The following APC2 variants were observed in gnomAD, a reference collection of about 807,000 sequenced individuals.
The protein encoded by APC2 is adenomatous polyposis coli protein 2.
A neutral mutation model predicts 72.5 loss-of-function variants in APC2; 41 were observed. That is an observed-to-expected ratio of 0.57 (90% CI 0.44 to 0.73). The LOEUF is 0.73. APC2 is among the 30% of genes least tolerant of loss of function. APC2 has a pLI of 0.00. For synonymous variants in APC2, 1,898 were observed against 1,612.0 expected, an observed-to-expected ratio of 1.18 and a Z score of -4.25; for missense variants, 3,729 against 3,403.4, an observed-to-expected ratio of 1.10 and a Z score of -2.38.
chr19:1,452,578 TG>T lies in APC2; in HGVS notation c.-18-401del. The T allele has an allele frequency of 5.6e-6, 1 of 179,528 alleles. No individual in the cohort carries two copies. Among genetic ancestry groups the T allele is most frequent in the South Asian group, 1.2e-4 (1 of 8,402 alleles). 11.1% of individuals were successfully genotyped at this position (179,528 alleles called of 1,614,324 possible). A position where few individuals can be genotyped will look rare whatever the true frequency, so the allele number is the denominator to read the frequency against. On this transcript the variant is annotated intron_variant, in intron 1 of 14. Transcript: ENST00000590469. The surrounding 1 kb of genome is among the most constrained non-coding windows in gnomAD (Gnocchi z 5.1). Reference sequence around the variant, plus strand: ...CTGTCGCCCTCTCTGGCTGTGAGCCTGGGGGTGCTGGGCTGGCCAGTCGGCT... The same window carrying T: ...CTGTCGCCCTCTCTGGCTGTGAGCCTGGGGTGCTGGGCTGGCCAGTCGGCT...
chr19:1,461,410 A>G (rs970413337), intron 13 of APC2: 5 of 532,100 alleles, frequency 9.4e-6, no homozygotes, highest in African/African-American at 5.8e-5. Context: ...CCCCATCTCT[A>G]CTAAAAAAAA....
chr19:1,469,579 CG>C lies in APC2; in HGVS notation c.6280del (p.Glu2094ArgfsTer241). ...RLPVRAPAAR[P>X]ETVKRYASLP... ...CCTGTGCGCGCGCCCGCCGCCCGGC[CG>C]GAGACTGTCAAGCGCTACGCGTCGC... On this transcript the variant is annotated frameshift_variant, in exon 15 of 15. Transcript: ENST00000590469. LOFTEE classifies it low-confidence loss of function (END_TRUNC). 1 of 1,256,944 alleles carries C rather than the reference CG, an allele frequency of 8.0e-7. No individual in the cohort carries two copies. The highest frequency in any genetic ancestry group is 1.0e-6 in the Non-Finnish European group (1 of 987,908). 77.9% of individuals were successfully genotyped at this position (1,256,944 alleles called of 1,614,324 possible).
In APC2 at chr19:1,469,866, G is replaced by A; in HGVS notation, c.6565G>A (p.Ala2189Thr). 1 of 1,521,054 alleles carries A rather than the reference G, an allele frequency of 6.6e-7. No homozygotes were observed. The highest frequency in any genetic ancestry group is 8.8e-7 in the Non-Finnish European group (1 of 1,141,396). The allele number at this position is 1,521,054 out of a possible 1,614,324, so 94.2% of individuals were successfully genotyped here. A position where few individuals can be genotyped will look rare whatever the true frequency, so the allele number is the denominator to read the frequency against. The part of the protein sequence containing the change: ...AGPPPRKTSD[A>T]VVQTEEVAAP... ...GCCCCCGCCGCGCAAGACCAGCGAC[G>A]CCGTGGTCCAGACCGAGGAGGTCGC... Residue 2189 changes from alanine to threonine, a missense_variant, in exon 15 of 15, where the codon GCC becomes ACC. Physicochemically the swap from Ala to Thr is moderately conservative, Grantham distance 58 (BLOSUM62 0). Transcript: ENST00000590469.
At chr19:1,454,846 C>A (rs182509241) in intron 4 of APC2, among the ~76,000 whole-genome samples, 2,247 of 152,218 alleles carry the variant, frequency 0.015, 59 homozygotes, top group African/African-American at 0.046. Flanking sequence ...GGATTACAGG[C>A]GTGAGCCACC....
intron 4 of APC2, 43 bp downstream of exon 4, chr19:1,453,654 A>T (rs773144190): frequency 1.9e-6 from 3 of 1,559,186 alleles, no homozygotes. Flanking sequence ...CTGGAGCATG[A>T]CTCGGTCCCC....
At chr19:1,446,250 G>A, upstream of APC2, 1 of 982,356 alleles carries the variant, frequency 1.0e-6, no homozygotes, top group Non-Finnish European at 1.2e-6. This position sits in a 1 kb window ranked among gnomAD's most constrained non-coding sequence, Gnocchi z 6.1. Flanking sequence ...TGGCCGCCGA[G>A]GGGCGGGGCG....
In APC2 at chr19:1,465,815, C is replaced by G. The variant is rs1317706103; in HGVS notation, c.2514C>G (p.Ala838=). The G allele has an allele frequency of 2.5e-6, 4 of 1,581,008 alleles. No homozygotes were observed. The change falls in exon 15 of 15, where the codon GCC becomes GCG. Residue 838 remains alanine, a synonymous_variant. Coordinates refer to ENST00000590469, the MANE Select transcript of APC2 (RefSeq NM_005883.3). ...EAEKDTSGEA[A]VAAKAKAKLA... ...AGAAGGACACCAGTGGGGAGGCAGC[C>G]GTGGCGGCCAAGGCCAAGGCCAAGC...
chr19:1,466,656 G>C lies in APC2; in HGVS notation c.3355G>C (p.Ala1119Pro), dbSNP rs2084021738. Residue 1119 changes from alanine (A) to proline (P), a missense_variant, in exon 15 of 15, where the codon GCC becomes CCC. Physicochemically the swap from Ala to Pro is conservative, Grantham distance 27. Transcript: ENST00000590469. ...GGACAGCACGTGGCGGGCGCCCGGG[G>C]CCACCTCGCTGCCCGTAGCCATTCC... ...ELDSTWRAPG[A>P]TSLPVAIPAP... is the part of the protein sequence containing the mutation. 1 of 1,495,184 alleles carries C rather than the reference G, an allele frequency of 6.7e-7. No individual in the cohort carries two copies. Among genetic ancestry groups the C allele is most frequent in the African/African-American group, 1.4e-5 (1 of 72,406 alleles). The allele number at this position is 1,495,184 out of a possible 1,614,324, so 92.6% of individuals were successfully genotyped here. A position where few individuals can be genotyped will look rare whatever the true frequency, so the allele number is the denominator to read the frequency against.
upstream of APC2, among the ~76,000 whole-genome samples, chr19:1,448,544 T>TAAA (rs547873034): frequency 8.5e-5 from 7 of 82,718 alleles, no homozygotes; most frequent in East Asian, 3.6e-4. Flanking sequence ...AGACCCCATC[T>TAAA]AAAAAAAAAA....
In APC2 at chr19:1,457,118, A is replaced by G. The variant is rs1156747859; in HGVS notation, c.1082A>G (p.Gln361Arg). 3.1e-6 allele frequency: 5 copies of G among 1,588,164 alleles called. No individual in the cohort carries two copies. The highest frequency in any genetic ancestry group is 1.3e-5 in the African/African-American group (1 of 74,138). Reference protein sequence around the residue: ...LHNIVFSQPDQGLARKEMRVL... With the variant: ...LHNIVFSQPDRGLARKEMRVL... ...AACATCGTCTTCTCGCAGCCGGACC[A>G]GGGCCTGGCGCGCAAGGAGATGCGC... The change falls in exon 9 of 15, where the codon CAG becomes CGG. Residue 361 changes from glutamine to arginine, a missense_variant. Physicochemically the swap from Gln to Arg is conservative, Grantham distance 43 (BLOSUM62 1). Coordinates refer to ENST00000590469, the MANE Select transcript of APC2 (RefSeq NM_005883.3).
chr19:1,449,762 C>T (rs1435366203), upstream of APC2, among the ~76,000 whole-genome samples: 1 of 152,196 alleles, frequency 6.6e-6, no homozygotes. Flanking sequence ...AGGCCTGGCC[C>T]CAGCCCGGCC....
At chr19:1,461,720 C>T (rs1347009489) in intron 13 of APC2, 5 of 509,152 alleles carry the variant, frequency 9.8e-6, no homozygotes, top group Non-Finnish European at 1.7e-5. Flanking sequence ...GGCGTGGTGG[C>T]GGGTGTCTGT....
In APC2 at chr19:1,469,328, C is replaced by G. The variant is rs1318451321; in HGVS notation, c.6027C>G (p.Ser2009=). The G allele has an allele frequency of 2.2e-5, 31 of 1,408,162 alleles. No homozygotes were observed. The highest frequency in any genetic ancestry group is 2.8e-5 in the Non-Finnish European group (30 of 1,077,398). The allele number at this position is 1,408,162 out of a possible 1,614,324, so 87.2% of individuals were successfully genotyped here. A position where few individuals can be genotyped will look rare whatever the true frequency, so the allele number is the denominator to read the frequency against. Residue 2009 remains serine (S), a synonymous_variant, in exon 15 of 15, where the codon TCC becomes TCG. Coordinates refer to ENST00000590469, the MANE Select transcript of APC2 (RefSeq NM_005883.3). ...CGCCGGGCTTGCGGCGCCGCCGCTCCGAGCTGTCCTCGGCCGAGTCCGCGG... is the reference window on the plus strand; with the variant it reads ...CGCCGGGCTTGCGGCGCCGCCGCTCGGAGCTGTCCTCGGCCGAGTCCGCGG... ...KESPGLRRRR[S]ELSSAESAAS... is the part of the protein sequence containing the mutation.
chr19:1,460,648 C>A (rs1205446262), intron 11 of APC2, 132 bp from the exon 12 acceptor site: 3 of 1,012,064 alleles, frequency 3.0e-6, no homozygotes, highest in Non-Finnish European at 4.4e-6. Flanking sequence ...ATGGGGTAAC[C>A]GTCCCCGGTA....
Position 1,461,903 on chromosome 19 carries a change from G to C in APC2, c.1639-60G>C, listed in dbSNP as rs563469908. 9.9e-6 allele frequency: 14 copies of C among 1,411,102 alleles called. No individual in the cohort carries two copies. The African/African-American group carries it at 1.4e-4, about 15-fold the overall frequency. The allele number at this position is 1,411,102 out of a possible 1,614,324, so 87.4% of individuals were successfully genotyped here. A position where few individuals can be genotyped will look rare whatever the true frequency, so the allele number is the denominator to read the frequency against. ...ACCCAACTTCACTGAATGTGAGCGT[G>C]GGAGCCTTTCCTCCGGGCCACTCAG... On this transcript the variant is annotated intron_variant, in intron 13 of 14. Coordinates refer to ENST00000590469, the MANE Select transcript of APC2 (RefSeq NM_005883.3).
At position 1,469,495 on chromosome 19, in the gene APC2, G is replaced by C. The variant is rs774366454; in HGVS notation, c.6194G>C (p.Arg2065Pro). ...GCCCGGCAGCGGCCCCCCGCGGCCC[G>C]ACCCAGCCCTGGCGAGCGCCCTGCC... Reference protein sequence around the residue: ...APARQRPPAARPSPGERPARR... With the variant: ...APARQRPPAAPPSPGERPARR... The change falls in exon 15 of 15, where the codon CGA becomes CCA. Residue 2065 changes from arginine (R) to proline (P), a missense_variant. Arg to Pro is a moderately radical substitution (Grantham distance 103). Transcript: ENST00000590469. 7.2e-6 allele frequency: 8 copies of C among 1,107,562 alleles called. No individual in the cohort carries two copies. In the South Asian group the frequency reaches 1.3e-4, roughly 18 times the overall value. 68.6% of individuals were successfully genotyped at this position (1,107,562 alleles called of 1,614,324 possible). A position where few individuals can be genotyped will look rare whatever the true frequency, so the allele number is the denominator to read the frequency against.
upstream of APC2, among the ~76,000 whole-genome samples, chr19:1,446,978 G>A (rs527719813): frequency 6.6e-6 from 1 of 152,266 alleles, no homozygotes; most frequent in Admixed American, 6.5e-5. The surrounding 1 kb of genome is among the most constrained non-coding windows in gnomAD (Gnocchi z 6.1). Context: ...CCTCGTTGCG[G>A]AGCTAAGGCG....
In APC2 at chr19:1,467,153, C is replaced by G; in HGVS notation, c.3852C>G (p.His1284Gln). ...CCAGCCTCAGCGCGCTGGCCTTGCA[C>G]GAGCACTACGTGCAGCAGGACGTGG... ...CASSLSALAL[H>Q]EHYVQQDVEL... Residue 1284 changes from histidine (H) to glutamine (Q), a missense_variant, in exon 15 of 15, where the codon CAC becomes CAG. By Grantham distance (24) the His-to-Gln change is conservative (BLOSUM62 0). Coordinates refer to ENST00000590469, the MANE Select transcript of APC2 (RefSeq NM_005883.3). The G allele has an allele frequency of 1.9e-6, 3 of 1,562,786 alleles. No homozygotes were observed. The highest frequency in any genetic ancestry group is 2.3e-5 in the East Asian group (1 of 44,292).
chr19:1,453,524 C>T lies in APC2; in HGVS notation c.326C>T (p.Pro109Leu). 6.2e-7 allele frequency: 1 copy of T among 1,611,624 alleles called. No individual in the cohort carries two copies. Among genetic ancestry groups the T allele is most frequent in the East Asian group, 2.2e-5 (1 of 44,848 alleles). Residue 109 changes from proline (P) to leucine (L), a missense_variant, in exon 4 of 15, where the codon CCA becomes CTA. Coordinates refer to ENST00000590469, the MANE Select transcript of APC2 (RefSeq NM_005883.3). ...EPAARTPEGS[P>L]VHGSGPSKDS... is the part of the protein sequence containing the mutation. Reference sequence around the variant, plus strand: ...GCCGCCCGGACCCCCGAGGGCAGCCCAGTACACGGCTCCGGGCCCTCCAAG... The same window carrying T: ...GCCGCCCGGACCCCCGAGGGCAGCCTAGTACACGGCTCCGGGCCCTCCAAG...
Sources: allele counts gnomAD v4.1 joint callset (sites outside exome capture counted in the v4.1 genomes callset), GRCh38; gene constraint gnomAD v4.1.1; non-coding constraint Gnocchi (gnomAD v3.1); transcripts MANE v1.5; gene names NCBI Gene and HGNC (gene_info 2026-07-23, HGNC 2026-07-21).